Variants in ANKRD6 observed in about 807,000 individuals in gnomAD.
ANKRD6 encodes the protein ankyrin repeat domain 6.
In ANKRD6, 56 loss-of-function variants were observed where a neutral mutation model predicts 82.3. The observed-to-expected ratio is 0.68, with a 90% confidence interval of 0.55 to 0.85. The LOEUF (loss-of-function observed/expected upper bound fraction) is 0.85. Among genes scored for constraint, ANKRD6 ranks in the 40% least tolerant of loss-of-function variants. ANKRD6 has a pLI of 0.00. For synonymous variants in ANKRD6, 347 were observed against 352.1 expected, an observed-to-expected ratio of 0.99 and a Z score of 0.16; for missense variants, 852 against 907.6, an observed-to-expected ratio of 0.94 and a Z score of 0.79.
At chr6:89,553,585 T>C (rs1276940819) in intron 1 of ANKRD6, among the ~76,000 whole-genome samples, 1 of 152,118 alleles carries the variant, frequency 6.6e-6, no homozygotes, top group African/African-American at 2.4e-5. Context: ...AGCTTCCTGG[T>C]TTTTTCAAGC....
rs1212695489 is a variant in ANKRD6, at chr6:89,605,739, C to G, written c.319-268C>G. 2.0e-5 allele frequency among the ~76,000 whole-genome samples: 3 copies of G among 152,166 alleles called. No individual in the cohort carries two copies. In the East Asian group the frequency reaches 5.8e-4, roughly 29 times the overall value. On this transcript the variant is annotated intron_variant, in intron 4 of 15. Transcript: ENST00000339746. ...ACTGGGGTTCCTAGAGAGACTTAAC[C>G]TCTAATGCCTTATGAACAATCATCC...
At chr6:89,569,525 G>C (rs1789306978) in intron 2 of ANKRD6, among the ~76,000 whole-genome samples, 1 of 151,934 alleles carries the variant, frequency 6.6e-6, no homozygotes, top group African/African-American at 2.4e-5. Flanking sequence ...TCCAGTTTGG[G>C]GCTATTATGA....
intron 1 of ANKRD6, among the ~76,000 whole-genome samples, chr6:89,446,140 G>C (rs1382801714): frequency 6.6e-6 from 1 of 151,744 alleles, no homozygotes; most frequent in Admixed American, 6.6e-5. Flanking sequence ...ATCACCTGAG[G>C]TCAGGAGTTT....
intron 1 of ANKRD6, among the ~76,000 whole-genome samples, chr6:89,565,710 A>G (rs1344624556): frequency 6.6e-6 from 1 of 152,256 alleles, no homozygotes; most frequent in Non-Finnish European, 1.5e-5. Flanking sequence ...GAACAAATGT[A>G]AAGGATGGCT....
chr6:89,446,817 C>T (rs12191094), intron 1 of ANKRD6, among the ~76,000 whole-genome samples: 3 of 152,178 alleles, frequency 2.0e-5, no homozygotes, highest in Non-Finnish European at 4.4e-5. Context: ...CAGTTACCCT[C>T]GTGCTCTTCT....
At chr6:89,450,698 A>T (rs1394556465) in intron 1 of ANKRD6, among the ~76,000 whole-genome samples, 2 of 149,360 alleles carry the variant, frequency 1.3e-5, no homozygotes, top group African/African-American at 5.0e-5. Context: ...TTTTGTAGAG[A>T]TGGGGGTCTC....
At chr6:89,523,330 G>A (rs1782093902) in intron 1 of ANKRD6, among the ~76,000 whole-genome samples, 1 of 152,198 alleles carries the variant, frequency 6.6e-6, no homozygotes, top group Non-Finnish European at 1.5e-5. Context: ...AATGAAAGGA[G>A]AGAATTTGCC....
intron 1 of ANKRD6, among the ~76,000 whole-genome samples, chr6:89,490,323 GT>G (rs1468800924): frequency 6.6e-6 from 1 of 152,226 alleles, no homozygotes; most frequent in Non-Finnish European, 1.5e-5. Flanking sequence ...GGAGAATCCA[GT>G]AAATATTTAT....
chr6:89,579,202 C>T (rs1791870613), intron 2 of ANKRD6, among the ~76,000 whole-genome samples: 1 of 152,256 alleles, frequency 6.6e-6, no homozygotes, highest in Admixed American at 6.5e-5. Context: ...CTTTGTGCAT[C>T]ATATCATCAC....
At chr6:89,626,159 G>A (rs1220080954) in intron 13 of ANKRD6, among the ~76,000 whole-genome samples, 2 of 152,046 alleles carry the variant, frequency 1.3e-5, no homozygotes, top group African/African-American at 4.8e-5. Context: ...TTATAGAAAG[G>A]CCATTTTAAA....
At position 89,630,939 on chromosome 6, in the gene ANKRD6, G is replaced by T; in HGVS notation, c.2119G>T (p.Glu707Ter). 1 of 1,605,280 alleles carries T rather than the reference G, an allele frequency of 6.2e-7. No individual in the cohort carries two copies. Among genetic ancestry groups the T allele is most frequent in the South Asian group, 1.1e-5 (1 of 89,770 alleles). The stretch of plus-strand genomic sequence containing the variant: ...CCAGCAAGATAAGGCTACATTGAAG[G>T]AACACATTAAAAGTTTAGAAGAGGA... ...KAQQDKATLKEHIKSLEEELA... is the reference protein window; with the variant it reads ...KAQQDKATLK Residue 707 changes from glutamate to a stop codon, truncating the protein, a stop_gained, in exon 16 of 16, where the codon GAA (glutamate) becomes TAA (stop). Coordinates refer to ENST00000339746, the MANE Select transcript of ANKRD6 (RefSeq NM_001242809.2). LOFTEE classifies it high-confidence loss of function.
At chr6:89,579,420 CA>C (rs1479776194) in intron 2 of ANKRD6, among the ~76,000 whole-genome samples, 1 of 152,098 alleles carries the variant, frequency 6.6e-6, no homozygotes, top group Non-Finnish European at 1.5e-5. Context: ...GACACAAGGC[CA>C]TTCAGTATCC....
intron 1 of ANKRD6, among the ~76,000 whole-genome samples, chr6:89,548,202 T>C (rs2128024455): frequency 6.6e-6 from 1 of 152,364 alleles, no homozygotes; most frequent in African/African-American, 2.4e-5. Flanking sequence ...TTCCCTATTC[T>C]TTCTCCTGGC....
intron 1 of ANKRD6, among the ~76,000 whole-genome samples, chr6:89,466,528 C>A (rs1013085773): frequency 6.6e-6 from 1 of 152,058 alleles, no homozygotes; most frequent in African/African-American, 2.4e-5. Flanking sequence ...TTTATCTTAT[C>A]ATTTTATTCT....
At chr6:89,466,733 G>T (rs1774892261) in intron 1 of ANKRD6, among the ~76,000 whole-genome samples, 1 of 151,996 alleles carries the variant, frequency 6.6e-6, no homozygotes, top group South Asian at 2.1e-4. Flanking sequence ...TTGAGACAAG[G>T]TCTCACTCTG....
chr6:89,465,730 G>A lies in ANKRD6; in HGVS notation c.-144+32355G>A, dbSNP rs187242584. Among the ~76,000 whole-genome samples the A allele has an allele frequency of 9.9e-4, 150 of 152,166 alleles. 1 individual carries two copies. Among genetic ancestry groups the A allele is most frequent in the Middle Eastern group, 3.4e-3 (1 of 294 alleles). The stretch of plus-strand genomic sequence containing the variant: ...TTTTTAAAATTAGCCAGGTGTGGTA[G>A]CACATACCTGTGGTCCCATTTGCTT... On this transcript the variant is annotated intron_variant, in intron 1 of 15. Transcript: ENST00000339746.
At chr6:89,515,513 A>G (rs1781099090) in intron 1 of ANKRD6, among the ~76,000 whole-genome samples, 1 of 152,214 alleles carries the variant, frequency 6.6e-6, no homozygotes, top group Non-Finnish European at 1.5e-5. Context: ...GTCGGCAGGT[A>G]AAATGTCTGC....
rs1416253842 is a variant in ANKRD6, at chr6:89,624,540, C to T, written c.1220C>T (p.Ala407Val). The change falls in exon 13 of 16, where the codon GCA becomes GTA. Residue 407 changes from alanine (A) to valine (V), a missense_variant and splice_region_variant. Ala to Val is a moderately conservative substitution (Grantham distance 64). Transcript: ENST00000339746. Reference sequence around the variant, plus strand: ...ATTCCTTTTTTGTTTCTCTCTTAGGCACCAATAAATGGTTGTCGATGTGAA... The same window carrying T: ...ATTCCTTTTTTGTTTCTCTCTTAGGTACCAATAAATGGTTGTCGATGTGAA... The part of the protein sequence containing the change: ...YRGKDGKVMQ[A>V]PINGCRCEPL... 6 of 1,552,216 alleles carry T rather than the reference C, an allele frequency of 3.9e-6. No homozygotes were observed. In the African/African-American group the frequency reaches 8.2e-5, roughly 21 times the overall value.
intron 1 of ANKRD6, among the ~76,000 whole-genome samples, chr6:89,497,270 T>A (rs1230814184): frequency 6.6e-6 from 1 of 152,204 alleles, no homozygotes; most frequent in Non-Finnish European, 1.5e-5. Flanking sequence ...AAAATTGAAT[T>A]TGAAGCTTTA....
Sources: allele counts gnomAD v4.1 joint callset (sites outside exome capture counted in the v4.1 genomes callset), GRCh38; gene constraint gnomAD v4.1.1; transcripts MANE v1.5; gene names NCBI Gene and HGNC (gene_info 2026-07-23, HGNC 2026-07-21).